GMPS: variants seen among roughly 807,000 people sequenced by gnomAD.
The protein encoded by GMPS is GMP synthase [glutamine-hydrolyzing].
In GMPS, 15 loss-of-function variants were observed where a neutral mutation model predicts 77.9. The observed-to-expected ratio is 0.19, with a 90% CI of 0.13 to 0.30. The LOEUF (loss-of-function observed/expected upper bound fraction) is 0.30. GMPS is among the 10% of genes least tolerant of loss of function. The pLI is 1.00. For missense variants in GMPS, 590 were observed against 838.8 expected (o/e 0.70, Z 3.66); for synonymous variants, 224 against 275.9 (o/e 0.81, Z 1.86).
intron 1 of GMPS, among the ~76,000 whole-genome samples, chr3:155,886,706 T>C (rs1363497398): frequency 7.1e-6 from 1 of 141,524 alleles, no homozygotes. Context: ...CTGGGTTTCA[T>C]CATGTTAGCC....
intron 12 of GMPS, among the ~76,000 whole-genome samples, chr3:155,931,020 G>A (rs1755601401): frequency 6.6e-6 from 1 of 151,836 alleles, no homozygotes; most frequent in Admixed American, 6.6e-5. Context: ...GAGACAGGGT[G>A]TTGCCATGTT....
intron 1 of GMPS, among the ~76,000 whole-genome samples, chr3:155,892,846 G>A (rs1380552958): frequency 6.6e-6 from 1 of 152,174 alleles, no homozygotes; most frequent in Non-Finnish European, 1.5e-5. Flanking sequence ...TGGCCAGGCT[G>A]GTCTTGAACT....
intron 9 of GMPS, 116 bp from the exon 10 acceptor site, chr3:155,919,114 GTAA>G (rs768477294): frequency 1.8e-6 from 1 of 565,274 alleles, no homozygotes; most frequent in Non-Finnish European, 3.2e-6. Context: ...TGCATTTTTA[GTAA>G]TAATCTGTTA....
chr3:155,877,165 G>A (rs1754069749), intron 1 of GMPS, among the ~76,000 whole-genome samples: 1 of 152,036 alleles, frequency 6.6e-6, no homozygotes, highest in Admixed American at 6.6e-5. Context: ...GACAAATTTT[G>A]GATCAACGAT....
chr3:155,914,412 C>A lies in GMPS; in HGVS notation c.887-7C>A. The stretch of plus-strand genomic sequence containing the variant: ...CCAATTTAAAACGCTTCTCCCCTTT[C>A]CTCCAGTGATAAATGCTGCTCATTC... On this transcript the variant is annotated splice_region_variant and splice_polypyrimidine_tract_variant and intron_variant, in intron 7 of 15. Coordinates refer to ENST00000496455, the MANE Select transcript of GMPS (RefSeq NM_003875.3). 3.3e-6 allele frequency: 5 copies of A among 1,529,422 alleles called. No homozygotes were observed. Among genetic ancestry groups the A allele is most frequent in the Non-Finnish European group, 4.4e-6 (5 of 1,142,146 alleles). 94.7% of individuals were successfully genotyped at this position (1,529,422 alleles called of 1,614,324 possible).
chr3:155,901,447 A>C (rs1345001483), intron 3 of GMPS, among the ~76,000 whole-genome samples: 1 of 152,128 alleles, frequency 6.6e-6, no homozygotes, highest in Non-Finnish European at 1.5e-5. Flanking sequence ...TATAGACAAT[A>C]TTGCCATGAA....
intron 12 of GMPS, among the ~76,000 whole-genome samples, chr3:155,930,526 A>G (rs1203737688): frequency 1.3e-5 from 2 of 151,778 alleles, no homozygotes; most frequent in Non-Finnish European, 2.9e-5. Context: ...TAATTAAACT[A>G]AAGAGCTTCT....
chr3:155,933,170 C>T (rs1006281930), intron 13 of GMPS, among the ~76,000 whole-genome samples: 2 of 151,312 alleles, frequency 1.3e-5, no homozygotes, highest in African/African-American at 2.4e-5. Context: ...CAAGCCTGGG[C>T]GACAGAGCGA....
intron 15 of GMPS, 95 bp from the exon 16 acceptor site, chr3:155,937,496 T>C: frequency 7.6e-6 from 5 of 661,330 alleles, no homozygotes; most frequent in Admixed American, 5.3e-5. Context: ...ATAGTGAAAA[T>C]AGTCAAATTT....
intron 1 of GMPS, among the ~76,000 whole-genome samples, chr3:155,892,567 A>G (rs1195034598): frequency 6.6e-6 from 1 of 152,358 alleles, no homozygotes; most frequent in East Asian, 1.9e-4. Context: ...CATTTTGCCA[A>G]ATTAACCTTT....
intron 1 of GMPS, among the ~76,000 whole-genome samples, chr3:155,890,593 C>G (rs376391569): frequency 7.2e-5 from 11 of 152,346 alleles, no homozygotes; most frequent in African/African-American, 2.4e-4. Flanking sequence ...CAGCACTTCT[C>G]TGTGTCGTTT....
At position 155,897,963 on chromosome 3, in the gene GMPS, T is replaced by C. The variant is rs755095394; in HGVS notation, c.246T>C (p.Tyr82=). The C allele has an allele frequency of 6.2e-7, 1 of 1,606,180 alleles. No homozygotes were observed. Among genetic ancestry groups the C allele is most frequent in the Non-Finnish European group, 8.5e-7 (1 of 1,172,774 alleles). The change falls in exon 3 of 16, where the codon TAT becomes TAC. Residue 82 remains tyrosine (Y), a synonymous_variant. Transcript: ENST00000496455. The part of the protein sequence containing the change: ...IIISGGPNSV[Y]AEDAPWFDPA... ...TCTCTGGAGGACCTAATTCTGTGTA[T>C]GCTGAAGATGCTCCCTGGTTTGATC...
intron 2 of GMPS, among the ~76,000 whole-genome samples, chr3:155,896,201 G>T (rs146948910): frequency 3.0e-3 from 454 of 152,098 alleles, no homozygotes; most frequent in Non-Finnish European, 5.1e-3. Context: ...AGTAGAGACA[G>T]GGTTTTGCCA....
chr3:155,912,045 T>C (rs1019833216), intron 7 of GMPS, among the ~76,000 whole-genome samples: 2 of 152,146 alleles, frequency 1.3e-5, no homozygotes, highest in Non-Finnish European at 2.9e-5. Flanking sequence ...CTTTTGTAGA[T>C]ACCTTTTATA....
intron 4 of GMPS, 106 bp from the exon 5 acceptor site, chr3:155,906,054 C>A: frequency 1.5e-5 from 7 of 474,006 alleles, no homozygotes; most frequent in East Asian, 3.4e-5. Flanking sequence ...TTTTTTTTTT[C>A]TGTTTTTCTA....
At chr3:155,905,086 A>T (rs1754838434) in intron 4 of GMPS, among the ~76,000 whole-genome samples, 1 of 152,006 alleles carries the variant, frequency 6.6e-6, no homozygotes, top group Non-Finnish European at 1.5e-5. Flanking sequence ...CAGTGGCAAG[A>T]TCTCGACTCA....
chr3:155,910,767 T>G lies in GMPS; in HGVS notation c.602T>G (p.Val201Gly). The part of the protein sequence containing the change: ...PEVGLTENGK[V>G]ILKNFLYDIA... The stretch of plus-strand genomic sequence containing the variant: ...GTTGGCCTTACAGAAAATGGAAAAG[T>G]AATACTGAAGAATTTCCTTTATGAT... Residue 201 changes from valine to glycine, a missense_variant, in exon 6 of 16, where the codon GTA becomes GGA. Physicochemically the swap from Val to Gly is moderately radical, Grantham distance 109 (BLOSUM62 -3). This residue lies in a region of GMPS where 136 missense variants were observed against 225.6 expected (regional missense o/e 0.60). Transcript: ENST00000496455. 6.2e-7 allele frequency: 1 copy of G among 1,610,552 alleles called. No individual in the cohort carries two copies. The highest frequency in any genetic ancestry group is 8.5e-7 in the Non-Finnish European group (1 of 1,177,112).
intron 1 of GMPS, among the ~76,000 whole-genome samples, chr3:155,879,974 G>T (rs1366458320): frequency 6.6e-6 from 1 of 150,592 alleles, no homozygotes; most frequent in Non-Finnish European, 1.5e-5. Flanking sequence ...TAAGTCTAGA[G>T]ATGTTTCTTA....
intron 8 of GMPS, 120 bp from the exon 9 acceptor site, chr3:155,915,899 T>A: frequency 1.5e-6 from 1 of 660,058 alleles, no homozygotes; most frequent in Non-Finnish European, 2.6e-6. Context: ...TGGAGATTGG[T>A]GGATTTTATT....
Sources: allele counts gnomAD v4.1 joint callset (sites outside exome capture counted in the v4.1 genomes callset), GRCh38; gene constraint gnomAD v4.1.1; regional missense constraint gnomAD v4.1.1; transcripts MANE v1.5; gene names NCBI Gene and HGNC (gene_info 2026-07-23, HGNC 2026-07-21).